Variants in TEX2 observed in about 807,000 individuals in gnomAD.
The protein encoded by TEX2 is testis expressed 2.
In TEX2, 53 loss-of-function variants were observed where a neutral mutation model predicts 106.9. The observed-to-expected ratio is 0.50, with a 90% CI of 0.40 to 0.62. The LOEUF (loss-of-function observed/expected upper bound fraction) is 0.62. Among genes scored for constraint, TEX2 ranks in the 20% least tolerant of loss-of-function variants. The probability of loss-of-function intolerance (pLI) is 0.00; values close to 1 mark genes in which losing one functional copy is unlikely to be tolerated. For missense variants in TEX2, 1,207 were observed against 1,379.0 expected (o/e 0.88, Z 1.98); for synonymous variants, 523 against 534.8 (o/e 0.98, Z 0.30).
intron 7 of TEX2, among the ~76,000 whole-genome samples, chr17:64,168,707 A>G (rs2031254404): frequency 6.6e-6 from 1 of 152,178 alleles, no homozygotes; most frequent in Non-Finnish European, 1.5e-5. Flanking sequence ...GAGCGTGCAC[A>G]CTTATTATTT....
At chr17:64,209,537 T>G (rs2032934423) in intron 2 of TEX2, among the ~76,000 whole-genome samples, 1 of 152,262 alleles carries the variant, frequency 6.6e-6, no homozygotes, top group Non-Finnish European at 1.5e-5. Context: ...GCTTAGTCTA[T>G]GACAGTTTGC....
chr17:64,204,485 T>C (rs982056971), intron 2 of TEX2, among the ~76,000 whole-genome samples: 15 of 152,238 alleles, frequency 9.9e-5, no homozygotes, highest in African/African-American at 3.6e-4. Context: ...ATCTGTATGT[T>C]AAATATCAGC....
chr17:64,179,436 G>A lies in TEX2; in HGVS notation c.2425-1965C>T, dbSNP rs921977810. On this transcript the variant is annotated intron_variant, in intron 5 of 11. Transcript: ENST00000584379. ...CCCTAGCCAGCAGCAGCGGCAACCT[G>A]CTTGGGTGCCCTTACACAGTGTGGA... Among the ~76,000 whole-genome samples the A allele has an allele frequency of 3.9e-5, 6 of 152,204 alleles. No homozygotes were observed. The East Asian group carries it at 7.7e-4, about 20-fold the overall frequency.
rs150936754 is a variant in TEX2 at position 64,171,175 on chromosome 17, T to C, written c.2596A>G (p.Thr866Ala). The change falls in exon 7 of 12, where the codon ACT becomes GCT. Residue 866 changes from threonine (T) to alanine (A), a missense_variant. Transcript: ENST00000584379. ...IKLPYFMNELTLTELDMGVAV... is the reference protein window; with the variant it reads ...IKLPYFMNELALTELDMGVAV... ...ACGCCCATGTCAAGTTCCGTCAGAGTGAGCTCATTCATAAAGTAGGGGAGC... is the reference window on the plus strand; with the variant it reads ...ACGCCCATGTCAAGTTCCGTCAGAGCGAGCTCATTCATAAAGTAGGGGAGC... The C allele has an allele frequency of 5.5e-4, 884 of 1,613,836 alleles. No individual in the cohort carries two copies. The highest frequency in any genetic ancestry group is 6.8e-4 in the Non-Finnish European group (800 of 1,179,954).
chr17:64,208,318 A>G (rs1315097159), intron 2 of TEX2, among the ~76,000 whole-genome samples: 6 of 151,550 alleles, frequency 4.0e-5, no homozygotes, highest in African/African-American at 1.5e-4. Context: ...GGCTCAGTGC[A>G]GCCTTGACCC....
chr17:64,199,144 C>G (rs782278767), intron 2 of TEX2, among the ~76,000 whole-genome samples: 1 of 152,136 alleles, frequency 6.6e-6, no homozygotes, highest in Non-Finnish European at 1.5e-5. Context: ...TTTCCTAAAT[C>G]AGAAAATGCA....
Position 64,217,319 on chromosome 17 carries a change from C to T in TEX2, c.-25-3077G>A, listed in dbSNP as rs1205764860. On this transcript the variant is annotated intron_variant, in intron 1 of 11. Transcript: ENST00000584379. This position sits in a 1 kb window ranked among gnomAD's most constrained non-coding sequence, Gnocchi z 4.3. ...GCCAACTGAGCCGACCCTCCCACAGCCACAGCCATGCAGGACAGCCAAGGC... is the reference window on the plus strand; with the variant it reads ...GCCAACTGAGCCGACCCTCCCACAGTCACAGCCATGCAGGACAGCCAAGGC... 6.6e-6 allele frequency among the ~76,000 whole-genome samples: 1 copy of T among 152,188 alleles called. No individual in the cohort carries two copies. Among genetic ancestry groups the T allele is most frequent in the Non-Finnish European group, 1.5e-5 (1 of 68,034 alleles).
chr17:64,198,815 T>C (rs1555629727), intron 2 of TEX2, among the ~76,000 whole-genome samples: 1 of 152,054 alleles, frequency 6.6e-6, no homozygotes. Context: ...CAAAAGCCAG[T>C]AGAATTAACA....
In TEX2 at chr17:64,205,167, A is replaced by G. The variant is rs1555630609; in HGVS notation, c.1644+7407T>C. Among the ~76,000 whole-genome samples the G allele has an allele frequency of 1.3e-5, 2 of 152,178 alleles. No homozygotes were observed. Among genetic ancestry groups the G allele is most frequent in the African/African-American group, 2.4e-5 (1 of 41,434 alleles). ...CTGCCTGCATCAAAACATCTCACTG[A>G]TTAGCCGTGCATGGTGATGCGCACA... On this transcript the variant is annotated intron_variant, in intron 2 of 11. Coordinates refer to ENST00000584379, the MANE Select transcript of TEX2 (RefSeq NM_001288732.2). The surrounding 1 kb of genome is among the most constrained non-coding windows in gnomAD (Gnocchi z 4.0).
At chr17:64,149,246 T>A (rs2030218596) in intron 11 of TEX2, 155 bp from the exon 12 acceptor site, 4 of 743,726 alleles carry the variant, frequency 5.4e-6, no homozygotes, top group Non-Finnish European at 8.4e-6. Context: ...CCATACATAC[T>A]TTAGAAAGAG....
intron 1 of TEX2, among the ~76,000 whole-genome samples, 178 bp downstream of exon 1, chr17:64,262,990 G>A (rs1256815786): frequency 6.6e-6 from 1 of 152,064 alleles, no homozygotes; most frequent in African/African-American, 2.4e-5. Context: ...TGTCGCGGGT[G>A]GGCGTCCCCT....
At chr17:64,175,648 G>C (rs930078448) in intron 6 of TEX2, among the ~76,000 whole-genome samples, 1 of 152,136 alleles carries the variant, frequency 6.6e-6, no homozygotes, top group Non-Finnish European at 1.5e-5. Flanking sequence ...GTTTGGTGGT[G>C]CGATCATAGC....
intron 1 of TEX2, among the ~76,000 whole-genome samples, chr17:64,237,064 G>A (rs950128853): frequency 1.3e-5 from 2 of 152,210 alleles, no homozygotes; most frequent in Non-Finnish European, 2.9e-5. Context: ...GTGATGTGAA[G>A]GGCACCAAGA....
intron 5 of TEX2, among the ~76,000 whole-genome samples, chr17:64,183,386 ATTT>A (rs995481031): frequency 1.3e-5 from 2 of 152,088 alleles, no homozygotes; most frequent in African/African-American, 4.8e-5. Context: ...TGGCTGGACT[ATTT>A]TACATTCCTG....
chr17:64,252,756 T>C (rs1267335682), intron 1 of TEX2, among the ~76,000 whole-genome samples: 3 of 152,176 alleles, frequency 2.0e-5, no homozygotes, highest in Non-Finnish European at 4.4e-5. Context: ...GTACTGGGTA[T>C]ATAACGCGGA....
chr17:64,162,978 T>C (rs1281806091), intron 7 of TEX2, among the ~76,000 whole-genome samples: 2 of 152,134 alleles, frequency 1.3e-5, no homozygotes, highest in Non-Finnish European at 1.5e-5. Context: ...GAGCCTGATA[T>C]CTGAGGATGA....
intron 5 of TEX2, among the ~76,000 whole-genome samples, chr17:64,187,956 T>C (rs566555172): frequency 4.6e-5 from 7 of 152,316 alleles, no homozygotes; most frequent in African/African-American, 1.7e-4. Context: ...CCTCCTCCCT[T>C]GTCTGACTTT....
intron 3 of TEX2, among the ~76,000 whole-genome samples, chr17:64,194,473 T>C (rs532287667): frequency 6.6e-6 from 1 of 152,354 alleles, no homozygotes; most frequent in East Asian, 1.9e-4. Context: ...AATGTAGTTA[T>C]TTTGCATATC....
At chr17:64,261,820 T>C (rs1459528633) in intron 1 of TEX2, among the ~76,000 whole-genome samples, 1 of 152,224 alleles carries the variant, frequency 6.6e-6, no homozygotes, top group Non-Finnish European at 1.5e-5. Flanking sequence ...CTACCATTTT[T>C]GGGGAGAATC....
Sources: gnomAD v4.1 joint callset for allele counts (sites outside exome capture counted in the v4.1 genomes callset) on GRCh38, gnomAD v4.1.1 for gene constraint, Gnocchi (gnomAD v3.1) non-coding constraint, MANE v1.5 for transcripts, NCBI Gene and HGNC (gene_info 2026-07-23, HGNC 2026-07-21) for gene names.